The following ZNF91 variants were observed in gnomAD, a reference collection of about 807,000 sequenced individuals.
ZNF91 encodes zinc finger protein 91 (HPF7, HTF10).
Under a neutral mutation model 12.6 loss-of-function variants are expected in ZNF91, and 7 were observed. The ratio of observed to expected loss-of-function variants is 0.55; its 90% CI spans 0.31 to 1.04. The LOEUF is 1.04. ZNF91 is among the 50% of genes least tolerant of loss of function. The probability of loss-of-function intolerance (pLI) is 0.05; values close to 1 mark genes in which losing one functional copy is unlikely to be tolerated. For missense variants in ZNF91, 1,217 were observed against 1,385.4 expected, an observed-to-expected ratio of 0.88 and a Z score of 1.93; for synonymous variants, 453 against 462.6, an observed-to-expected ratio of 0.98 and a Z score of 0.27.
chr19:23,323,780 TTTC>T (rs749505933), intron 1 of ZNF91, among the ~76,000 whole-genome samples: 61 of 150,754 alleles, frequency 4.0e-4, no homozygotes, highest in Middle Eastern at 6.8e-3. Flanking sequence ...CCTCCTTCTC[TTTC>T]TTCTTCCTCC....
chr19:23,330,306 T>C (rs1599693717), intron 1 of ZNF91, among the ~76,000 whole-genome samples: 4 of 150,952 alleles, frequency 2.6e-5, no homozygotes. Flanking sequence ...ACTCCAGCCT[T>C]GGCAGCAGAG....
At position 23,360,001 on chromosome 19, in the gene ZNF91, G is replaced by A; in HGVS notation, c.2978C>T (p.Pro993Leu). 3.7e-6 allele frequency: 6 copies of A among 1,613,414 alleles called. No individual in the cohort carries two copies. Among genetic ancestry groups the A allele is most frequent in the Non-Finnish European group, 4.2e-6 (5 of 1,179,950 alleles). ...TTTGCCACATTCTTCACATTTGTAG[G>A]GTTTCTCTCCAGTATGAATTATCTT... The part of the protein sequence containing the change: ...EHKIIHTGEK[P>L]YKCEECGKAF... The change falls in exon 4 of 4, where the codon CCC becomes CTC. Residue 993 changes from proline (P) to leucine (L), a missense_variant. Pro to Leu is a moderately conservative substitution (Grantham distance 98). Transcript: ENST00000300619.
At chr19:23,337,336 ATG>A (rs978527913), downstream of ZNF91, among the ~76,000 whole-genome samples, 3 of 116,894 alleles carry the variant, frequency 2.6e-5, no homozygotes, top group African/African-American at 7.7e-5. Flanking sequence ...ATGTATATAT[ATG>A]TGTGTGTGTA....
In ZNF91 at chr19:23,325,623, C is replaced by G. The variant is rs553009284; in HGVS notation, n.117-16526G>C. ...AGGTGATTGCCATGTACACAACCTA[C>G]TAGGCCAGGAACATTACTGATGGCT... On this transcript the variant is annotated intron_variant and non_coding_transcript_variant, in intron 1 of 1. Coordinates refer to the ZNF91 transcript ENST00000596528. 4 of 152,304 alleles carry G rather than the reference C, an allele frequency of 2.6e-5. 1 individual carries two copies. In the South Asian group the frequency reaches 8.3e-4, roughly 32 times the overall value. 9.4% of individuals were successfully genotyped at this position (152,304 alleles called of 1,614,324 possible). A position where few individuals can be genotyped will look rare whatever the true frequency, so the allele number is the denominator to read the frequency against.
intron 3 of ZNF91, among the ~76,000 whole-genome samples, chr19:23,344,040 T>C (rs948503448): frequency 2.0e-5 from 3 of 152,198 alleles, no homozygotes; most frequent in African/African-American, 7.2e-5. Flanking sequence ...GATGCATATA[T>C]GAGGATGCAA....
At position 23,393,737 on chromosome 19, in the gene ZNF91, C is replaced by T. The variant is rs1294551196; in HGVS notation, c.30+1588G>A. On this transcript the variant is annotated intron_variant, in intron 1 of 3. Transcript: ENST00000300619. ...TTAATTGGCCAGATGCGGTGGCTCA[C>T]GTCTGTAATCCCAGCTCTTTGGGAG... Among the ~76,000 whole-genome samples, 7 of 152,168 alleles carry T rather than the reference C, an allele frequency of 4.6e-5. No individual in the cohort carries two copies. In the East Asian group the frequency reaches 9.6e-4, roughly 21 times the overall value.
At chr19:23,344,331 T>A (rs1426834965) in intron 3 of ZNF91, among the ~76,000 whole-genome samples, 1 of 152,100 alleles carries the variant, frequency 6.6e-6, no homozygotes, top group Admixed American at 6.5e-5. Flanking sequence ...CCTGACCTCA[T>A]GATCCGCCCG....
chr19:23,333,961 T>C (rs1262054717), downstream of ZNF91, among the ~76,000 whole-genome samples: 1 of 152,176 alleles, frequency 6.6e-6, no homozygotes, highest in Non-Finnish European at 1.5e-5. Context: ...GCTGCGGAAC[T>C]ATAAAGATTG....
rs1269137773 is a variant in ZNF91, at chr19:23,361,341, G to A, written c.1638C>T (p.Tyr546=). The A allele has an allele frequency of 6.2e-7, 1 of 1,609,504 alleles. No individual in the cohort carries two copies. Among genetic ancestry groups the A allele is most frequent in the East Asian group, 2.2e-5 (1 of 44,654 alleles). Residue 546 remains tyrosine (Y), a synonymous_variant, in exon 4 of 4, where the codon TAC becomes TAT. Transcript: ENST00000300619. ...HKIIHSREKP[Y]KCKECGKAFK... ...AAGCTTTGCCACATTCTTTACATTT[G>A]TAGGGTTTCTCTCTACTATGAATTA...
chr19:23,357,262 A>G (rs956149349), downstream of ZNF91, among the ~76,000 whole-genome samples: 2 of 152,254 alleles, frequency 1.3e-5, no homozygotes, highest in East Asian at 1.9e-4. Flanking sequence ...CAAACAATTA[A>G]GCAAACAAAA....
At chr19:23,355,231 C>T (rs990250628), downstream of ZNF91, among the ~76,000 whole-genome samples, 2 of 152,152 alleles carry the variant, frequency 1.3e-5, no homozygotes, top group African/African-American at 4.8e-5. Flanking sequence ...CCATGGTCAC[C>T]AAAACAGCAT....
chr19:23,309,802 A>G (rs566059292), intron 1 of ZNF91, among the ~76,000 whole-genome samples: 1 of 152,298 alleles, frequency 6.6e-6, no homozygotes, highest in South Asian at 2.1e-4. Flanking sequence ...CGCATATTGT[A>G]TAAAGCCCTT....
chr19:23,324,675 T>G (rs1271399235), intron 1 of ZNF91: 1 of 152,036 alleles, frequency 6.6e-6, no homozygotes, highest in Non-Finnish European at 1.5e-5. Context: ...CACTGTAGCC[T>G]CAAGAGATCC....
At position 23,361,261 on chromosome 19, in the gene ZNF91, A is replaced by C. The variant is rs529316345; in HGVS notation, c.1718T>G (p.Leu573Arg). 1.2e-6 allele frequency: 2 copies of C among 1,607,866 alleles called. No individual in the cohort carries two copies. The highest frequency in any genetic ancestry group is 2.2e-5 in the South Asian group (2 of 90,806). Reference protein sequence around the residue: ...THKIIHAGKKLYKCEECGKAF... With the variant: ...THKIIHAGKKRYKCEECGKAF... ...TTTGCCACATTCTTCACATTTGTAG[A>C]GTTTCTTTCCAGCATGAATTATTTT... is the stretch of plus-strand genomic sequence containing the variant. Residue 573 changes from leucine (L) to arginine (R), a missense_variant, in exon 4 of 4, where the codon CTC (leucine) becomes CGC (arginine). Around this residue, in one of 2 missense-constraint regions of ZNF91, gnomAD observed 726 missense variants for 895.5 expected, o/e 0.81. Coordinates refer to ENST00000300619, the MANE Select transcript of ZNF91 (RefSeq NM_003430.4).
At chr19:23,373,299 A>T (rs778383656) in intron 3 of ZNF91, among the ~76,000 whole-genome samples, 27 of 148,790 alleles carry the variant, frequency 1.8e-4, no homozygotes, top group Non-Finnish European at 3.3e-4. Context: ...AGTCATTGAA[A>T]TTGAAGACCA....
chr19:23,354,406 A>C (rs1968438566), downstream of ZNF91, among the ~76,000 whole-genome samples: 1 of 152,214 alleles, frequency 6.6e-6, no homozygotes, highest in Non-Finnish European at 1.5e-5. Flanking sequence ...AAAATTGACA[A>C]TATTTAGCAT....
Position 23,341,759 on chromosome 19 carries a change from T to C in ZNF91, c.254-2705A>G, listed in dbSNP as rs570173425. On this transcript the variant is annotated intron_variant, in intron 3 of 3. Transcript: ENST00000599743. ...CATCTGTCATTCATGTTCCTGTGAT[T>C]TCTGAAACAAATCTTAATATCACCA... is the stretch of plus-strand genomic sequence containing the variant. Among the ~76,000 whole-genome samples the C allele has an allele frequency of 5.4e-4, 83 of 152,296 alleles. 3 individuals carry two copies. The South Asian group carries it at 0.017, about 30-fold the overall frequency.
chr19:23,361,294 G>A lies in ZNF91; in HGVS notation c.1685C>T (p.Thr562Ile), dbSNP rs1462079573. The A allele has an allele frequency of 6.2e-7, 1 of 1,612,544 alleles. No homozygotes were observed. Among genetic ancestry groups the A allele is most frequent in the East Asian group, 2.2e-5 (1 of 44,768 alleles). Residue 562 changes from threonine (T) to isoleucine (I), a missense_variant, in exon 4 of 4, where the codon ACT (threonine) becomes ATT (isoleucine). By Grantham distance (89) the Thr-to-Ile change is moderately conservative. Coordinates refer to ENST00000300619, the MANE Select transcript of ZNF91 (RefSeq NM_003430.4). ...GKAFKQFSTL[T>I]THKIIHAGKK... is the part of the protein sequence containing the mutation. Reference sequence around the variant, plus strand: ...TCCAGCATGAATTATTTTATGTGTAGTAAGGGTTGAGAATTGCTTAAAAGC... The same window carrying A: ...TCCAGCATGAATTATTTTATGTGTAATAAGGGTTGAGAATTGCTTAAAAGC...
intron 3 of ZNF91, among the ~76,000 whole-genome samples, chr19:23,369,331 G>A (rs995042847): frequency 1.3e-5 from 2 of 151,062 alleles, no homozygotes; most frequent in African/African-American, 4.9e-5. Context: ...AACAACGCCC[G>A]GGAGGGAGGT....
Sources: allele counts gnomAD v4.1 joint callset (sites outside exome capture counted in the v4.1 genomes callset), GRCh38; gene constraint gnomAD v4.1.1; regional missense constraint gnomAD v4.1.1; transcripts MANE v1.5; gene names NCBI Gene and HGNC (gene_info 2026-07-23, HGNC 2026-07-21).